Variants in CAB39 observed in about 807,000 individuals in gnomAD.
CAB39 encodes the protein calcium binding protein 39.
Under a neutral mutation model 40.0 loss-of-function variants are expected in CAB39, and 8 were observed. The observed-to-expected ratio is 0.20, with a 90% confidence interval of 0.12 to 0.36. The LOEUF is 0.36. CAB39 is among the 10% of genes least tolerant of loss of function. The probability of loss-of-function intolerance (pLI) is 1.00; values close to 1 mark genes in which losing one functional copy is unlikely to be tolerated. For synonymous variants in CAB39, 156 were observed against 141.6 expected, an observed-to-expected ratio of 1.10 and a Z score of -0.72; for missense variants, 270 against 401.1, an observed-to-expected ratio of 0.67 and a Z score of 2.79.
In CAB39 at chr2:230,713,135, TC is replaced by T. The variant is rs1397380111; in HGVS notation, c.-137del. ...CGGAGGGGCCGAGCGTCCGAGCCAC[TC>T]CGCGGGGACCGAACGAGCAGCCCGA... is the stretch of plus-strand genomic sequence containing the variant. On this transcript the variant is annotated 5_prime_UTR_variant, in exon 1 of 9. Coordinates refer to ENST00000258418, the MANE Select transcript of CAB39 (RefSeq NM_016289.4). 6.6e-6 allele frequency: 1 copy of T among 151,822 alleles called. No homozygotes were observed. The highest frequency in any genetic ancestry group is 1.9e-4 in the East Asian group (1 of 5,162). 9.4% of individuals were successfully genotyped at this position (151,822 alleles called of 1,614,324 possible).
chr2:230,795,829 T>C (rs1340306131), intron 4 of CAB39, among the ~76,000 whole-genome samples: 1 of 152,160 alleles, frequency 6.6e-6, no homozygotes, highest in Non-Finnish European at 1.5e-5. Context: ...TCTCATTTTT[T>C]AGTATAATCA....
chr2:230,775,203 A>G (rs1436097164), intron 2 of CAB39, among the ~76,000 whole-genome samples: 1 of 151,856 alleles, frequency 6.6e-6, no homozygotes, highest in East Asian at 1.9e-4. Flanking sequence ...ATTCCCCCCA[A>G]ATCTGAGCTC....
intron 2 of CAB39, 60 bp from the exon 3 acceptor site, chr2:230,790,812 A>T: frequency 7.1e-7 from 1 of 1,416,872 alleles, no homozygotes; most frequent in Non-Finnish European, 9.7e-7. Context: ...TTGACGTGTT[A>T]TATGTTTGTT....
chr2:230,758,524 C>T (rs1695233570), intron 1 of CAB39, among the ~76,000 whole-genome samples: 1 of 152,144 alleles, frequency 6.6e-6, no homozygotes, highest in Non-Finnish European at 1.5e-5. Flanking sequence ...CATTAGCATT[C>T]ATTTGCATGT....
intron 5 of CAB39, among the ~76,000 whole-genome samples, chr2:230,800,387 G>A (rs1036054192): frequency 6.6e-6 from 1 of 152,214 alleles, no homozygotes; most frequent in African/African-American, 2.4e-5. Flanking sequence ...CTCTTAAAGA[G>A]GGAGTTGAAA....
At chr2:230,811,077 C>G (rs1696295249) in intron 6 of CAB39, among the ~76,000 whole-genome samples, 1 of 152,190 alleles carries the variant, frequency 6.6e-6, no homozygotes, top group Non-Finnish European at 1.5e-5. Flanking sequence ...GGTTTAACTA[C>G]ACATCGTCGA....
At chr2:230,747,140 G>A (rs566264767) in intron 1 of CAB39, among the ~76,000 whole-genome samples, 15 of 152,228 alleles carry the variant, frequency 9.9e-5, no homozygotes, top group African/African-American at 3.1e-4. Flanking sequence ...CAGGAGAATC[G>A]CTTAAACCTG....
intron 1 of CAB39, among the ~76,000 whole-genome samples, chr2:230,716,500 A>G (rs1694352393): frequency 6.6e-6 from 1 of 152,214 alleles, no homozygotes; most frequent in South Asian, 2.1e-4. Context: ...ATTTTGTTTC[A>G]GGTATTGTCT....
intron 2 of CAB39, among the ~76,000 whole-genome samples, chr2:230,781,160 T>G (rs1695680154): frequency 6.6e-6 from 1 of 152,034 alleles, no homozygotes; most frequent in African/African-American, 2.4e-5. Flanking sequence ...GTTGACAAGT[T>G]TGAGATAGGA....
chr2:230,745,955 A>G (rs1694968770), intron 1 of CAB39, among the ~76,000 whole-genome samples: 1 of 152,196 alleles, frequency 6.6e-6, no homozygotes, highest in Admixed American at 6.5e-5. Flanking sequence ...AAATTTTTTT[A>G]AGGATGGGGC....
At chr2:230,727,232 T>C (rs1694595942) in intron 1 of CAB39, among the ~76,000 whole-genome samples, 1 of 148,342 alleles carries the variant, frequency 6.7e-6, no homozygotes, top group South Asian at 2.1e-4. Flanking sequence ...TGTAAATATT[T>C]AAATATATAT....
At chr2:230,717,787 C>A (rs546105105) in intron 1 of CAB39, among the ~76,000 whole-genome samples, 1 of 152,260 alleles carries the variant, frequency 6.6e-6, no homozygotes, top group East Asian at 1.9e-4. Flanking sequence ...GTGCTTTTAA[C>A]TTTTAAAACA....
At chr2:230,813,865 C>G (rs1418890355) in intron 6 of CAB39, 184 bp from the exon 7 acceptor site, 3 of 500,282 alleles carry the variant, frequency 6.0e-6, no homozygotes, top group Non-Finnish European at 1.0e-5. Flanking sequence ...AGTCTCAGAG[C>G]AAACATGTCA....
intron 1 of CAB39, among the ~76,000 whole-genome samples, chr2:230,715,685 G>T (rs1289688776): frequency 6.6e-6 from 1 of 152,118 alleles, no homozygotes; most frequent in Non-Finnish European, 1.5e-5. Flanking sequence ...ATAACAAATG[G>T]GTGGTATTTG....
At chr2:230,802,026 A>G (rs1022909887) in intron 5 of CAB39, among the ~76,000 whole-genome samples, 6 of 152,154 alleles carry the variant, frequency 3.9e-5, no homozygotes, top group Non-Finnish European at 7.4e-5. Context: ...AATGTTTCCA[A>G]TGTTCTAGAA....
intron 8 of CAB39, 78 bp downstream of exon 8, chr2:230,817,975 T>G: frequency 1.5e-6 from 2 of 1,298,882 alleles, no homozygotes; most frequent in Non-Finnish European, 2.2e-6. Context: ...CGGAAATTAT[T>G]AGCCTCACTC....
At chr2:230,735,025 T>C (rs147378529) in intron 1 of CAB39, among the ~76,000 whole-genome samples, 2 of 152,322 alleles carry the variant, frequency 1.3e-5, no homozygotes, top group South Asian at 2.1e-4. Flanking sequence ...TCTCATCGGC[T>C]TGTTTTTCAT....
At chr2:230,731,912 G>C (rs529403071) in intron 1 of CAB39, among the ~76,000 whole-genome samples, 1 of 152,262 alleles carries the variant, frequency 6.6e-6, no homozygotes, top group African/African-American at 2.4e-5. Context: ...TTCGAACTTC[G>C]TGTTGTTAAA....
rs1696490809 is a variant in CAB39, at chr2:230,820,509, A to C, written c.*1805A>C. 6.6e-6 allele frequency: 1 copy of C among 152,278 alleles called. No individual in the cohort carries two copies. The highest frequency in any genetic ancestry group is 1.5e-5 in the Non-Finnish European group (1 of 68,038). 9.4% of individuals were successfully genotyped at this position (152,278 alleles called of 1,614,324 possible). On this transcript the variant is annotated 3_prime_UTR_variant, in exon 9 of 9. Coordinates refer to ENST00000258418, the MANE Select transcript of CAB39 (RefSeq NM_016289.4). ...AAAATCTCTTGGATGTTTAGGAAGG[A>C]AGACTTGGCCGTGATGTGGTGTCCT...
Sources: allele counts gnomAD v4.1 joint callset (sites outside exome capture counted in the v4.1 genomes callset), GRCh38; gene constraint gnomAD v4.1.1; transcripts MANE v1.5; gene names NCBI Gene and HGNC (gene_info 2026-07-23, HGNC 2026-07-21).